The following TOGARAM2 variants were observed in gnomAD, a reference collection of about 807,000 sequenced individuals.
TOGARAM2 encodes the protein TOG array regulator of axonemal microtubules protein 2.
Under a neutral mutation model 93.3 loss-of-function variants are expected in TOGARAM2, and 85 were observed. That is an observed-to-expected ratio of 0.91 (90% CI 0.76 to 1.09). The LOEUF (loss-of-function observed/expected upper bound fraction) is 1.09. Ranked by LOEUF, TOGARAM2 falls within the 50% of genes least tolerant of loss-of-function variation. The pLI is 0.00. For synonymous variants in TOGARAM2, 593 were observed against 552.8 expected, an observed-to-expected ratio of 1.07 and a Z score of -1.02; for missense variants, 1,277 against 1,334.5, an observed-to-expected ratio of 0.96 and a Z score of 0.67.
At chr2:28,959,346 T>C (rs1671767440) in intron 1 of TOGARAM2, among the ~76,000 whole-genome samples, 1 of 152,200 alleles carries the variant, frequency 6.6e-6, no homozygotes, top group Admixed American at 6.5e-5. Context: ...ATAGACTTTG[T>C]CCATGAAATC....
intron 10 of TOGARAM2, among the ~76,000 whole-genome samples, chr2:29,018,916 A>T (rs1336536138): frequency 2.0e-5 from 3 of 152,132 alleles, no homozygotes; most frequent in African/African-American, 4.8e-5. Flanking sequence ...CTGCCTACAA[A>T]TTTTTTAGCT....
At chr2:29,008,868 T>C (rs1416869746) in intron 6 of TOGARAM2, among the ~76,000 whole-genome samples, 1 of 152,252 alleles carries the variant, frequency 6.6e-6, no homozygotes, top group South Asian at 2.1e-4. Flanking sequence ...GTACCTGGCA[T>C]GGATTAGTTC....
At chr2:29,040,273 T>C (rs966206049) in intron 18 of TOGARAM2, among the ~76,000 whole-genome samples, 4 of 152,194 alleles carry the variant, frequency 2.6e-5, no homozygotes, top group African/African-American at 7.2e-5. Flanking sequence ...GTCTTTCTAG[T>C]TAATTAGAAA....
intron 7 of TOGARAM2, among the ~76,000 whole-genome samples, chr2:29,012,398 T>C (rs1664310387): frequency 6.6e-6 from 1 of 152,182 alleles, no homozygotes; most frequent in African/African-American, 2.4e-5. Context: ...ACAAGAAACC[T>C]CTGCGGCAGC....
At chr2:29,048,010 TGATA>T (rs890156776) in intron 19 of TOGARAM2, 1 of 152,410 alleles carries the variant, frequency 6.6e-6, no homozygotes, top group African/African-American at 2.4e-5. Context: ...CTCATGCTGC[TGATA>T]AAGACATATC....
At chr2:29,006,618 C>G (rs969155596) in intron 6 of TOGARAM2, among the ~76,000 whole-genome samples, 2 of 152,114 alleles carry the variant, frequency 1.3e-5, no homozygotes, top group Non-Finnish European at 2.9e-5. Context: ...TTCCATTTTT[C>G]TCACACTTCC....
chr2:29,045,245 G>T (rs1426065455), intron 18 of TOGARAM2, 79 bp from the exon 19 acceptor site: 3 of 1,126,344 alleles, frequency 2.7e-6, no homozygotes, highest in South Asian at 1.4e-5. Context: ...AGGTACTGTG[G>T]GTATGTGGCC....
intron 1 of TOGARAM2, among the ~76,000 whole-genome samples, chr2:28,965,299 C>G (rs1303085929): frequency 6.6e-6 from 1 of 152,156 alleles, no homozygotes; most frequent in Non-Finnish European, 1.5e-5. Context: ...TGCCACTCTG[C>G]TATTTCTTTT....
intron 6 of TOGARAM2, among the ~76,000 whole-genome samples, chr2:29,008,649 C>G (rs11127201): frequency 0.81 from 123,079 of 151,948 alleles, 50,144 homozygotes; most frequent in Middle Eastern, 0.86. Context: ...TAGAGCTGGG[C>G]TTTCACCATG....
intron 1 of TOGARAM2, among the ~76,000 whole-genome samples, 171 bp downstream of exon 1, chr2:28,981,709 G>A (rs150773215): frequency 5.2e-4 from 79 of 152,370 alleles, no homozygotes; most frequent in African/African-American, 1.7e-3. Flanking sequence ...GTGACCGTGG[G>A]GATGTCTCTG....
chr2:29,003,595 C>T lies in TOGARAM2; in HGVS notation c.743C>T (p.Ala248Val), dbSNP rs541007298. ...ATCCCAAAGGCCAGGACGGTTGCAGCGACCCCCTCCCGTGTGCCTGGCTCC... is the reference window on the plus strand; with the variant it reads ...ATCCCAAAGGCCAGGACGGTTGCAGTGACCCCCTCCCGTGTGCCTGGCTCC... ...PPIPKARTVA[A>V]TPSRVPGSLP... The change falls in exon 6 of 20, where the codon GCG becomes GTG. Residue 248 changes from alanine to valine, a missense_variant. Ala to Val is a moderately conservative substitution (Grantham distance 64, BLOSUM62 0). Coordinates refer to ENST00000379558, the MANE Select transcript of TOGARAM2 (RefSeq NM_199280.4). The T allele has an allele frequency of 1.4e-5, 23 of 1,594,332 alleles. No individual in the cohort carries two copies. The highest frequency in any genetic ancestry group is 1.7e-4 in the Middle Eastern group (1 of 6,014).
intron 1 of TOGARAM2, among the ~76,000 whole-genome samples, chr2:28,984,060 T>C (rs1032182526): frequency 5.3e-5 from 8 of 151,846 alleles, no homozygotes; most frequent in African/African-American, 1.9e-4. Context: ...CTCTCCTCCA[T>C]TCTTCTTCTT....
chr2:29,013,591 A>G (rs1303674153), intron 7 of TOGARAM2, among the ~76,000 whole-genome samples: 4 of 152,202 alleles, frequency 2.6e-5, no homozygotes, highest in Non-Finnish European at 4.4e-5. Context: ...AAGAACCTGG[A>G]GTCTGATGTT....
chr2:28,990,411 C>T (rs1415633579), intron 1 of TOGARAM2, among the ~76,000 whole-genome samples: 6 of 152,146 alleles, frequency 3.9e-5, no homozygotes, highest in Admixed American at 3.9e-4. Context: ...CCCGGGGCTG[C>T]AGAGCAAGCC....
chr2:29,007,766 G>C (rs565849147), intron 6 of TOGARAM2, among the ~76,000 whole-genome samples: 1 of 152,018 alleles, frequency 6.6e-6, no homozygotes, highest in Non-Finnish European at 1.5e-5. Context: ...TCCAGCCCAC[G>C]ACCCCACAGT....
At chr2:29,027,613 G>T (rs896621552) in intron 14 of TOGARAM2, among the ~76,000 whole-genome samples, 33 of 148,012 alleles carry the variant, frequency 2.2e-4, no homozygotes, top group African/African-American at 6.7e-4. Context: ...AAAAAAAAAT[G>T]CTAGGGGTGG....
chr2:29,027,159 TC>T, intron 14 of TOGARAM2, 148 bp downstream of exon 14: 2 of 852,502 alleles, frequency 2.3e-6, no homozygotes, highest in Non-Finnish European at 3.5e-6. Flanking sequence ...TCAGCTCTTG[TC>T]CCATCCCTTC....
chr2:29,001,402 G>T (rs1169665528), intron 4 of TOGARAM2, among the ~76,000 whole-genome samples: 1 of 151,942 alleles, frequency 6.6e-6, no homozygotes, highest in Non-Finnish European at 1.5e-5. Context: ...GAGTGCAGTG[G>T]TGCGATTTTG....
chr2:29,001,325 C>T (rs970010264), intron 4 of TOGARAM2, among the ~76,000 whole-genome samples: 1 of 150,830 alleles, frequency 6.6e-6, no homozygotes, highest in South Asian at 2.1e-4. Context: ...GATATTTTGA[C>T]TTGGCTGGTT....
Sources: gnomAD v4.1 joint callset for allele counts (sites outside exome capture counted in the v4.1 genomes callset) on GRCh38, gnomAD v4.1.1 for gene constraint, MANE v1.5 for transcripts, NCBI Gene and HGNC (gene_info 2026-07-23, HGNC 2026-07-21) for gene names.